TMEM74: variants seen among roughly 807,000 people sequenced by gnomAD.
The protein encoded by TMEM74 is transmembrane protein 74.
A neutral mutation model predicts 18.1 loss-of-function variants in TMEM74; 13 were observed. That is an observed-to-expected ratio of 0.72 (90% CI 0.47 to 1.14). The LOEUF (loss-of-function observed/expected upper bound fraction) is 1.14, where lower values mean the gene tolerates loss of function less well. Among genes scored for constraint, TMEM74 ranks in the 50% most tolerant of loss-of-function variants. TMEM74 has a pLI of 0.00. For synonymous variants in TMEM74, 159 were observed against 146.6 expected (o/e 1.08, Z -0.61); for missense variants, 372 against 375.9 (o/e 0.99, Z 0.09).
At chr8:108,628,688 G>C (rs1458941270) in intron 2 of TMEM74, among the ~76,000 whole-genome samples, 5 of 152,026 alleles carry the variant, frequency 3.3e-5, no homozygotes, top group Non-Finnish European at 5.9e-5. Flanking sequence ...TCTGGTTCTA[G>C]ATCCTTGAGA....
At chr8:108,693,205 A>G (rs992222681) in intron 1 of TMEM74, among the ~76,000 whole-genome samples, 1 of 152,206 alleles carries the variant, frequency 6.6e-6, no homozygotes, top group Non-Finnish European at 1.5e-5. Flanking sequence ...AGGATAGTGA[A>G]GGGAGATAGG....
At chr8:108,766,401 T>C (rs1487530006) in intron 1 of TMEM74, among the ~76,000 whole-genome samples, 1 of 152,170 alleles carries the variant, frequency 6.6e-6, no homozygotes, top group Non-Finnish European at 1.5e-5. Flanking sequence ...GCCAAAATTA[T>C]ATTCTTTAAC....
At chr8:108,651,340 A>G (rs1287206006) in intron 2 of TMEM74, among the ~76,000 whole-genome samples, 1 of 152,180 alleles carries the variant, frequency 6.6e-6, no homozygotes, top group Non-Finnish European at 1.5e-5. Context: ...GAACTGATTC[A>G]TCAGTTATTC....
intron 1 of TMEM74, among the ~76,000 whole-genome samples, chr8:108,692,928 T>C (rs1206249494): frequency 1.3e-5 from 2 of 152,154 alleles, no homozygotes; most frequent in Non-Finnish European, 2.9e-5. Flanking sequence ...AGTAATCCTA[T>C]TGTCAAGGAT....
At chr8:108,717,540 T>C (rs931265566) in intron 1 of TMEM74, among the ~76,000 whole-genome samples, 1 of 152,138 alleles carries the variant, frequency 6.6e-6, no homozygotes, top group Non-Finnish European at 1.5e-5. Flanking sequence ...TGTAGTATAT[T>C]AGAGCTCATA....
chr8:108,631,306 G>T (rs1014106152), intron 2 of TMEM74, among the ~76,000 whole-genome samples: 6 of 151,940 alleles, frequency 3.9e-5, no homozygotes, highest in African/African-American at 1.4e-4. Flanking sequence ...GAGTGTGAAG[G>T]AACACAGCCT....
intron 2 of TMEM74, among the ~76,000 whole-genome samples, chr8:108,616,020 C>A (rs531106197): frequency 1.3e-5 from 2 of 152,084 alleles, no homozygotes; most frequent in South Asian, 2.1e-4. Context: ...CTCTTGACCT[C>A]GTGATCCGCC....
At chr8:108,626,150 T>C (rs1812490672) in intron 2 of TMEM74, among the ~76,000 whole-genome samples, 1 of 152,090 alleles carries the variant, frequency 6.6e-6, no homozygotes, top group Non-Finnish European at 1.5e-5. Context: ...ACTATTCTAT[T>C]GTTTGTATTA....
intron 1 of TMEM74, among the ~76,000 whole-genome samples, chr8:108,666,165 TTTAAGAGAGAGCC>T (rs1812946995): frequency 6.6e-6 from 1 of 152,236 alleles, no homozygotes; most frequent in Admixed American, 6.5e-5. Flanking sequence ...TGAAAGCTAT[TTTAAGAGAGAGCC>T]TGGTGATATA....
Position 108,782,368 on chromosome 8 carries a change from T to C in TMEM74, c.*1813A>G, listed in dbSNP as rs562180660. 2.6e-5 allele frequency among the ~76,000 whole-genome samples: 4 copies of C among 152,348 alleles called. No homozygotes were observed. Among genetic ancestry groups the C allele is most frequent in the Admixed American group, 2.0e-4 (3 of 15,308 alleles). ...AATTCTTTCTTTTCAGTAATCAGTATTGCTCTATAACATAAGGCAATTAAC... is the reference window on the plus strand; with the variant it reads ...AATTCTTTCTTTTCAGTAATCAGTACTGCTCTATAACATAAGGCAATTAAC... On this transcript the variant is annotated 3_prime_UTR_variant, in exon 2 of 2. Coordinates refer to ENST00000297459, the MANE Select transcript of TMEM74 (RefSeq NM_153015.3).
chr8:108,640,453 A>T (rs1033480368), intron 2 of TMEM74, among the ~76,000 whole-genome samples: 12 of 151,862 alleles, frequency 7.9e-5, no homozygotes, highest in Admixed American at 7.9e-4. Flanking sequence ...TAGCTTCATC[A>T]TTTAAATGTA....
At chr8:108,664,887 C>T (rs59116790) in intron 1 of TMEM74, among the ~76,000 whole-genome samples, 3,113 of 152,210 alleles carry the variant, frequency 0.02, 114 homozygotes, top group African/African-American at 0.071. Flanking sequence ...TATTACTTCT[C>T]ACCTGAATGG....
chr8:108,683,989 T>G (rs2130601363), intron 1 of TMEM74, among the ~76,000 whole-genome samples: 1 of 152,254 alleles, frequency 6.6e-6, no homozygotes, highest in African/African-American at 2.4e-5. Context: ...CACATTTTAT[T>G]TATCCATTCA....
intron 1 of TMEM74, among the ~76,000 whole-genome samples, chr8:108,738,171 A>G (rs1297329834): frequency 6.6e-6 from 1 of 152,132 alleles, no homozygotes; most frequent in African/African-American, 2.4e-5. Flanking sequence ...AATTTTAACC[A>G]TGGTCTATGG....
intron 1 of TMEM74, among the ~76,000 whole-genome samples, chr8:108,749,024 T>C (rs1156514968): frequency 6.6e-6 from 1 of 151,880 alleles, no homozygotes; most frequent in Non-Finnish European, 1.5e-5. Context: ...ATACAGAGAA[T>C]ATGTTGTTTT....
At chr8:108,689,996 C>CT (rs1185393195) in intron 1 of TMEM74, among the ~76,000 whole-genome samples, 1 of 152,044 alleles carries the variant, frequency 6.6e-6, no homozygotes, top group Non-Finnish European at 1.5e-5. Context: ...GGATAAACAA[C>CT]TTTTTTATAT....
At chr8:108,672,996 G>A (rs148989509) in intron 1 of TMEM74, among the ~76,000 whole-genome samples, 10 of 152,304 alleles carry the variant, frequency 6.6e-5, no homozygotes, top group Admixed American at 2.0e-4. Flanking sequence ...TGAAGATCCA[G>A]ATGATTAAAC....
chr8:108,699,524 A>G (rs1563529390), intron 1 of TMEM74, among the ~76,000 whole-genome samples: 1 of 152,098 alleles, frequency 6.6e-6, no homozygotes, highest in Non-Finnish European at 1.5e-5. Flanking sequence ...GTTCTATGAC[A>G]TTGGCCAGAA....
chr8:108,655,252 GC>G (rs761194107), intron 2 of TMEM74: 2 of 152,104 alleles, frequency 1.3e-5, no homozygotes, highest in Admixed American at 6.6e-5. Flanking sequence ...CTTCTTACTT[GC>G]CAGAGGCAAA....
Sources: allele counts gnomAD v4.1 joint callset (sites outside exome capture counted in the v4.1 genomes callset), GRCh38; gene constraint gnomAD v4.1.1; transcripts MANE v1.5; gene names NCBI Gene and HGNC (gene_info 2026-07-23, HGNC 2026-07-21).